Variants in ARHGAP18 observed in about 807,000 individuals in gnomAD.
ARHGAP18 encodes Rho GTPase activating protein 18, also known as rho GTPase-activating protein 18.
In ARHGAP18, 67 loss-of-function variants were observed where a neutral mutation model predicts 86.2. The ratio of observed to expected loss-of-function variants is 0.78; its 90% confidence interval spans 0.64 to 0.95. The LOEUF (loss-of-function observed/expected upper bound fraction) is 0.95. Among genes scored for constraint, ARHGAP18 ranks in the 40% least tolerant of loss-of-function variants. ARHGAP18 has a pLI of 0.00. For missense variants in ARHGAP18, 691 were observed against 780.4 expected, an observed-to-expected ratio of 0.89 and a Z score of 1.37; for synonymous variants, 283 against 280.4, an observed-to-expected ratio of 1.01 and a Z score of -0.09.
Position 129,577,855 on chromosome 6 carries a change from G to A in ARHGAP18, c.*658C>T, listed in dbSNP as rs1788210723. On this transcript the variant is annotated 3_prime_UTR_variant, in exon 15 of 15. Transcript: ENST00000368149. ...CAGTAATAACTGGCAGCTTCTGACA[G>A]TCCTATTTTCTTGGTCGCTGATACG... 6.6e-6 allele frequency: 1 copy of A among 152,066 alleles called. No homozygotes were observed. Among genetic ancestry groups the A allele is most frequent in the Non-Finnish European group, 1.5e-5 (1 of 68,014 alleles). 9.4% of individuals were successfully genotyped at this position (152,066 alleles called of 1,614,324 possible).
chr6:129,659,668 C>T lies in ARHGAP18; in HGVS notation c.114-17650G>A, dbSNP rs144821019. Among the ~76,000 whole-genome samples the T allele has an allele frequency of 4.9e-4, 74 of 152,192 alleles. 2 individuals carry two copies. In the East Asian group the frequency reaches 0.013, roughly 28 times the overall value. On this transcript the variant is annotated intron_variant, in intron 1 of 14. Transcript: ENST00000368149. The stretch of plus-strand genomic sequence containing the variant: ...TGTATTTTTAGTAGAGATGGGGTTT[C>T]GGCATGTCGGCCAGGCTGGTCTTGA...
rs1253717248 is a variant in ARHGAP18 at position 129,629,481 on chromosome 6, G to C, written c.658C>G (p.Pro220Ala). ...NLVGEEKLIP[P>A]EETPAPETDI... ...GTTTCAGGGGCAGGCGTCTCCTCAG[G>C]TGGGATCAGCTTCTCTTCACCAACA... The change falls in exon 5 of 15, where the codon CCT becomes GCT. Residue 220 changes from proline (P) to alanine (A), a missense_variant. By Grantham distance (27) the Pro-to-Ala change is conservative. Transcript: ENST00000368149. 4 of 1,613,550 alleles carry C rather than the reference G, an allele frequency of 2.5e-6. No homozygotes were observed. Among genetic ancestry groups the C allele is most frequent in the Middle Eastern group, 1.7e-4 (1 of 6,018 alleles).
At chr6:129,615,818 C>T (rs1430592727) in intron 7 of ARHGAP18, among the ~76,000 whole-genome samples, 1 of 152,136 alleles carries the variant, frequency 6.6e-6, no homozygotes, top group Non-Finnish European at 1.5e-5. Context: ...GAAATAGGCA[C>T]TGGTAAATTA....
intron 1 of ARHGAP18, among the ~76,000 whole-genome samples, chr6:129,707,699 CT>C (rs1170442012): frequency 1.5e-5 from 2 of 135,480 alleles, no homozygotes; most frequent in African/African-American, 2.7e-5. Context: ...GGGCGGGGGT[CT>C]TTTTTTTGCC....
chr6:129,645,989 G>A (rs899423706), intron 1 of ARHGAP18, among the ~76,000 whole-genome samples: 1 of 152,182 alleles, frequency 6.6e-6, no homozygotes, highest in African/African-American at 2.4e-5. Context: ...ATCATTCAGG[G>A]TATGAGTAAT....
intron 1 of ARHGAP18, among the ~76,000 whole-genome samples, chr6:129,678,720 G>A (rs184830405): frequency 6.6e-5 from 10 of 152,212 alleles, no homozygotes; most frequent in Non-Finnish European, 1.3e-4. Flanking sequence ...TGTGATCTGA[G>A]CTTTGTAGTA....
At chr6:129,673,327 T>C (rs1774172770) in intron 1 of ARHGAP18, among the ~76,000 whole-genome samples, 1 of 150,498 alleles carries the variant, frequency 6.6e-6, no homozygotes, top group African/African-American at 2.4e-5. Flanking sequence ...ATCTGCAGCT[T>C]GCTTCCCAGG....
At chr6:129,652,509 C>T (rs1022165091) in intron 1 of ARHGAP18, among the ~76,000 whole-genome samples, 5 of 152,132 alleles carry the variant, frequency 3.3e-5, no homozygotes, top group Non-Finnish European at 5.9e-5. Flanking sequence ...GGTTTTTCCA[C>T]CTCCCCTCAT....
chr6:129,621,137 G>A (rs1181193920), intron 5 of ARHGAP18, among the ~76,000 whole-genome samples: 1 of 152,028 alleles, frequency 6.6e-6, no homozygotes, highest in South Asian at 2.1e-4. Flanking sequence ...TTCAGATATG[G>A]TAAGTGTCCA....
At chr6:129,583,904 A>T in intron 13 of ARHGAP18, 84 bp downstream of exon 13, 46 of 1,426,928 alleles carry the variant, frequency 3.2e-5, no homozygotes, top group Non-Finnish European at 3.9e-5. Context: ...AAAAAAAAAA[A>T]GGAAGAAGAA....
chr6:129,610,163 AT>A (rs1235527984), intron 8 of ARHGAP18, among the ~76,000 whole-genome samples: 1 of 152,224 alleles, frequency 6.6e-6, no homozygotes. Context: ...CTAAAGGTGA[AT>A]TTGGAAGATA....
In ARHGAP18 at chr6:129,607,891, A is replaced by G; in HGVS notation, c.1282+2T>C. On this transcript the variant is annotated splice_donor_variant, in intron 9 of 14. Coordinates refer to ENST00000368149, the MANE Select transcript of ARHGAP18 (RefSeq NM_033515.3). LOFTEE classifies it high-confidence loss of function. Reference sequence around the variant, plus strand: ...ACTGCTTCAAAGAGGGATAGCACTTACTCTGGACAGCCTGAAAGGCTTTGA... The same window carrying G: ...ACTGCTTCAAAGAGGGATAGCACTTGCTCTGGACAGCCTGAAAGGCTTTGA... The G allele has an allele frequency of 6.2e-7, 1 of 1,600,012 alleles. No individual in the cohort carries two copies.
At chr6:129,588,848 T>G (rs190211085) in intron 12 of ARHGAP18, among the ~76,000 whole-genome samples, 137 of 152,360 alleles carry the variant, frequency 9.0e-4, no homozygotes, top group Admixed American at 1.6e-3. Flanking sequence ...ACCTCAATTC[T>G]TGACTTCTGT....
At chr6:129,679,260 A>G (rs1278097789) in intron 1 of ARHGAP18, among the ~76,000 whole-genome samples, 1 of 152,212 alleles carries the variant, frequency 6.6e-6, no homozygotes, top group Non-Finnish European at 1.5e-5. Context: ...CAATCAGTCT[A>G]AACTAGTGCC....
At chr6:129,672,672 T>C (rs543520271) in intron 1 of ARHGAP18, among the ~76,000 whole-genome samples, 7 of 152,244 alleles carry the variant, frequency 4.6e-5, no homozygotes, top group Non-Finnish European at 8.8e-5. Flanking sequence ...TCAATCAACC[T>C]ATAGGAAACA....
intron 1 of ARHGAP18, among the ~76,000 whole-genome samples, chr6:129,703,495 T>G (rs144685318): frequency 6.6e-6 from 1 of 152,244 alleles, no homozygotes; most frequent in Non-Finnish European, 1.5e-5. Context: ...CAAGTTTCTC[T>G]AGGAAGGTGT....
intron 12 of ARHGAP18, among the ~76,000 whole-genome samples, chr6:129,588,701 G>A (rs532189925): frequency 6.6e-6 from 1 of 152,320 alleles, no homozygotes; most frequent in Admixed American, 6.5e-5. Context: ...GACTCTGTGT[G>A]GGGGCTCCAA....
At chr6:129,605,981 C>T (rs775313640) in intron 9 of ARHGAP18, 22 bp from the exon 10 acceptor site, 1 of 1,604,802 alleles carries the variant, frequency 6.2e-7, no homozygotes, top group Non-Finnish European at 8.5e-7. Flanking sequence ...TTAAATAAAT[C>T]TGAACTCTTT....
At chr6:129,645,409 G>A (rs905882130) in intron 1 of ARHGAP18, among the ~76,000 whole-genome samples, 1 of 152,148 alleles carries the variant, frequency 6.6e-6, no homozygotes, top group Non-Finnish European at 1.5e-5. Context: ...ATGTAATGAA[G>A]TACAGAGCAG....
Sources: allele counts gnomAD v4.1 joint callset (sites outside exome capture counted in the v4.1 genomes callset), GRCh38; gene constraint gnomAD v4.1.1; transcripts MANE v1.5; gene names NCBI Gene and HGNC (gene_info 2026-07-23, HGNC 2026-07-21).